Variants in DPP10 observed in about 807,000 individuals in gnomAD.
DPP10 encodes dipeptidyl peptidase like 10, also known as inactive dipeptidyl peptidase 10.
Under a neutral mutation model 120.9 loss-of-function variants are expected in DPP10, and 33 were observed. That is an observed-to-expected ratio of 0.27 (90% CI 0.21 to 0.37). DPP10 has a LOEUF of 0.37. Ranked by LOEUF, DPP10 falls within the 10% of genes least tolerant of loss-of-function variation. The pLI, the probability that DPP10 is intolerant of heterozygous loss-of-function variation, is 1.00. For synonymous variants in DPP10, 337 were observed against 326.1 expected (o/e 1.03, Z -0.36); for missense variants, 816 against 942.8 (o/e 0.87, Z 1.76).
chr2:114,622,516 A>G (rs1285683190), intron 1 of DPP10, among the ~76,000 whole-genome samples: 4 of 151,898 alleles, frequency 2.6e-5, no homozygotes, highest in African/African-American at 9.7e-5. Flanking sequence ...TTTTTTGCTA[A>G]TAGCTCTTCT....
intron 5 of DPP10, among the ~76,000 whole-genome samples, chr2:115,677,665 GAAAC>G (rs1332291337): frequency 2.0e-5 from 3 of 152,078 alleles, no homozygotes; most frequent in Non-Finnish European, 2.9e-5. Flanking sequence ...AACAAAAAAA[GAAAC>G]AAAGAAGGTT....
At chr2:114,985,800 C>A (rs1266189158) in intron 1 of DPP10, among the ~76,000 whole-genome samples, 1 of 152,140 alleles carries the variant, frequency 6.6e-6, no homozygotes, top group Admixed American at 6.5e-5. Context: ...ATCTGTTTAC[C>A]TGTTGCGTGT....
intron 5 of DPP10, among the ~76,000 whole-genome samples, chr2:115,620,652 G>A (rs2084877399): frequency 6.6e-6 from 1 of 152,168 alleles, no homozygotes; most frequent in Admixed American, 6.5e-5. Context: ...TTTTTAGTAT[G>A]TTCATTTCCC....
intron 1 of DPP10, among the ~76,000 whole-genome samples, chr2:114,696,965 A>G (rs550330683): frequency 3.3e-5 from 5 of 152,120 alleles, no homozygotes; most frequent in Admixed American, 6.6e-5. Context: ...TTGAAGGATC[A>G]AGTGAGATGA....
At chr2:115,490,394 C>A (rs930704447) in intron 3 of DPP10, among the ~76,000 whole-genome samples, 5 of 148,280 alleles carry the variant, frequency 3.4e-5, no homozygotes, top group Non-Finnish European at 3.0e-5. Context: ...AAACCACCCC[C>A]ATGATTCAGT....
chr2:115,529,843 T>C (rs2078356745), intron 5 of DPP10, among the ~76,000 whole-genome samples: 1 of 152,158 alleles, frequency 6.6e-6, no homozygotes, highest in Admixed American at 6.6e-5. Context: ...AGTGTCACAA[T>C]AACCATTCTC....
intron 5 of DPP10, among the ~76,000 whole-genome samples, chr2:115,558,869 C>G (rs1202080595): frequency 6.6e-6 from 1 of 152,134 alleles, no homozygotes; most frequent in Non-Finnish European, 1.5e-5. Context: ...CTCTCTGTTA[C>G]AGTAGGTGCC....
At chr2:115,042,027 T>C (rs1215078082) in intron 1 of DPP10, among the ~76,000 whole-genome samples, 2 of 150,256 alleles carry the variant, frequency 1.3e-5, no homozygotes, top group Non-Finnish European at 3.0e-5. Context: ...TTTTTTTTTT[T>C]TTTGCAATAA....
rs1458782849 is a variant in DPP10 at position 114,983,980 on chromosome 2, A to C, written c.61-325259A>C. Among the ~76,000 whole-genome samples, 5 of 152,288 alleles carry C rather than the reference A, an allele frequency of 3.3e-5. No homozygotes were observed. In the South Asian group the frequency reaches 8.3e-4, roughly 25 times the overall value. ...CACTCTTACACCGCCTCTCCATGCA[A>C]ATTGCTGTTGGATGATTGAAATGGT... On this transcript the variant is annotated intron_variant, in intron 1 of 25. Coordinates refer to ENST00000410059, the MANE Select transcript of DPP10 (RefSeq NM_020868.6).
At chr2:115,529,661 A>AATG (rs1361513459) in intron 5 of DPP10, among the ~76,000 whole-genome samples, 1 of 152,106 alleles carries the variant, frequency 6.6e-6, no homozygotes, top group Non-Finnish European at 1.5e-5. Flanking sequence ...AGTAGTAAAA[A>AATG]ATGATCAATT....
At chr2:115,777,636 C>T in intron 14 of DPP10, 151 bp from the exon 15 acceptor site, 1 of 815,708 alleles carries the variant, frequency 1.2e-6, no homozygotes, top group Non-Finnish European at 1.9e-6. Context: ...TGTATTTTGA[C>T]AGTTTTAAAA....
chr2:114,442,799 G>A lies in DPP10; in HGVS notation c.21G>A (p.Val7=), dbSNP rs1677730532. 1 of 1,613,322 alleles carries A rather than the reference G, an allele frequency of 6.2e-7. No homozygotes were observed. The highest frequency in any genetic ancestry group is 1.3e-5 in the African/African-American group (1 of 74,896). Residue 7 remains valine, a synonymous_variant, in exon 1 of 26, where the codon GTG becomes GTA. Transcript: ENST00000410059. Reference sequence around the variant, plus strand: ...GAAACATGAACCAAACTGCCAGCGTGTCCCATCACATCAAGTGTCAACCCT... The same window carrying A: ...GAAACATGAACCAAACTGCCAGCGTATCCCATCACATCAAGTGTCAACCCT... MNQTAS[V]SHHIKCQPSK...
chr2:115,455,546 A>G (rs1474735587), intron 3 of DPP10, among the ~76,000 whole-genome samples: 2 of 152,142 alleles, frequency 1.3e-5, no homozygotes, highest in South Asian at 2.1e-4. Flanking sequence ...TGGAGGCATC[A>G]TGCTACCTGA....
intron 1 of DPP10, among the ~76,000 whole-genome samples, chr2:115,240,601 A>G (rs1414622453): frequency 1.3e-5 from 2 of 152,154 alleles, no homozygotes; most frequent in Non-Finnish European, 2.9e-5. Flanking sequence ...CTCTGCTCAT[A>G]GTTTCTTTTG....
At position 115,746,703 on chromosome 2, in the gene DPP10, T is replaced by C. The variant is rs190841539; in HGVS notation, c.950+520T>C. On this transcript the variant is annotated intron_variant, in intron 10 of 25. Coordinates refer to ENST00000410059, the MANE Select transcript of DPP10 (RefSeq NM_020868.6). ...TCAGGGAGAAAGTAAACACATTTTA[T>C]TGGGTCAGAAGCATAATTGTAATAT... 2.1e-3 allele frequency among the ~76,000 whole-genome samples: 324 copies of C among 152,250 alleles called. 2 individuals are homozygous for C. The highest frequency in any genetic ancestry group is 2.2e-3 in the Admixed American group (34 of 15,282).
intron 1 of DPP10, among the ~76,000 whole-genome samples, chr2:114,520,134 A>T (rs979962957): frequency 6.6e-6 from 1 of 152,268 alleles, no homozygotes; most frequent in Non-Finnish European, 1.5e-5. Context: ...TCCCCTAATA[A>T]TATTTATGGA....
At chr2:114,515,426 AG>A (rs1684515147) in intron 1 of DPP10, among the ~76,000 whole-genome samples, 1 of 152,204 alleles carries the variant, frequency 6.6e-6, no homozygotes, top group African/African-American at 2.4e-5. Context: ...AAAGACATGA[AG>A]CTTACTGAAG....
chr2:114,485,865 A>G (rs1681469944), intron 1 of DPP10, among the ~76,000 whole-genome samples: 1 of 152,090 alleles, frequency 6.6e-6, no homozygotes, highest in South Asian at 2.1e-4. Context: ...TATATACCCT[A>G]GGATTAGAGA....
intron 1 of DPP10, among the ~76,000 whole-genome samples, chr2:115,305,352 A>G (rs2061318925): frequency 6.6e-6 from 1 of 152,100 alleles, no homozygotes; most frequent in Non-Finnish European, 1.5e-5. Flanking sequence ...AATCAGGATC[A>G]CTTTCACCAC....
Sources: allele counts gnomAD v4.1 joint callset (sites outside exome capture counted in the v4.1 genomes callset), GRCh38; gene constraint gnomAD v4.1.1; transcripts MANE v1.5; gene names NCBI Gene and HGNC (gene_info 2026-07-23, HGNC 2026-07-21).